Variants in KIZ observed in about 807,000 individuals in gnomAD.
KIZ encodes kizuna centrosomal protein.
In KIZ, 68 loss-of-function variants were observed where a neutral mutation model predicts 79.6. The ratio of observed to expected loss-of-function variants is 0.85; its 90% CI spans 0.70 to 1.05. KIZ has a LOEUF of 1.05. KIZ is among the 50% of genes least tolerant of loss of function. KIZ has a pLI of 0.00. For synonymous variants in KIZ, 280 were observed against 281.8 expected (o/e 0.99, Z 0.06); for missense variants, 797 against 800.4 (o/e 1.00, Z 0.05).
chr20:21,207,913 G>GT (rs1297695011), intron 7 of KIZ, among the ~76,000 whole-genome samples: 3 of 152,012 alleles, frequency 2.0e-5, no homozygotes, highest in Non-Finnish European at 2.9e-5. Context: ...GGGTTTCACC[G>GT]TGTTGGCCAG....
chr20:21,204,794 C>G (rs1196324442), intron 6 of KIZ, among the ~76,000 whole-genome samples: 1 of 152,116 alleles, frequency 6.6e-6, no homozygotes, highest in Non-Finnish European at 1.5e-5. Context: ...TAACTCTTTC[C>G]TAATATCTTA....
chr20:21,162,227 A>G lies in KIZ; in HGVS notation c.762A>G (p.Ile254Met). ...AGGAACAAACTCATTGCTTGGAGAT[A>G]GGAAGTAACACACGTCATGGCAAGA... ...SEEEQTHCLE[I>M]GSNTRHGKSN... The change falls in exon 5 of 13, where the codon ATA (isoleucine) becomes ATG (methionine). Residue 254 changes from isoleucine (I) to methionine (M), a missense_variant. Transcript: ENST00000619189. The G allele has an allele frequency of 6.2e-7, 1 of 1,614,000 alleles. No individual in the cohort carries two copies. Among genetic ancestry groups the G allele is most frequent in the Non-Finnish European group, 8.5e-7 (1 of 1,179,846 alleles).
At chr20:21,177,588 G>C (rs952598735) in intron 6 of KIZ, among the ~76,000 whole-genome samples, 2 of 152,010 alleles carry the variant, frequency 1.3e-5, no homozygotes, top group Non-Finnish European at 2.9e-5. Context: ...GTTTGATGTA[G>C]TCCCACTTGT....
intron 6 of KIZ, among the ~76,000 whole-genome samples, chr20:21,173,244 TAAG>T (rs1198555322): frequency 6.6e-6 from 1 of 151,976 alleles, no homozygotes; most frequent in Admixed American, 6.6e-5. Context: ...AGTAGGGTGG[TAAG>T]AAGTGGTCAG....
At position 21,162,072 on chromosome 20, in the gene KIZ, G is replaced by A; in HGVS notation, c.607G>A (p.Val203Met). 1 of 1,613,894 alleles carries A rather than the reference G, an allele frequency of 6.2e-7. No individual in the cohort carries two copies. The highest frequency in any genetic ancestry group is 8.5e-7 in the Non-Finnish European group (1 of 1,179,818). Residue 203 changes from valine to methionine, a missense_variant, in exon 5 of 13, where the codon GTG becomes ATG. Val to Met is a conservative substitution (Grantham distance 21). Coordinates refer to ENST00000619189, the MANE Select transcript of KIZ (RefSeq NM_018474.6). ...SHRQTAQSSN[V>M]TDSCVVQTSN... ...CCGACAGACAGCCCAGAGCAGTAAT[G>A]TGACAGACAGCTGTGTAGTACAAAC...
chr20:21,244,641 G>C (rs976989269), intron 12 of KIZ: 7 of 232,366 alleles, frequency 3.0e-5, no homozygotes, highest in Admixed American at 1.1e-4. Context: ...GCTCATGACC[G>C]GACAGGCTCT....
intron 10 of KIZ, 115 bp from the exon 11 acceptor site, chr20:21,232,619 C>T (rs2036870530): frequency 3.1e-6 from 2 of 645,802 alleles, no homozygotes; most frequent in Non-Finnish European, 2.9e-6. Context: ...GCTTGAACAG[C>T]ATCTTCCTCT....
chr20:21,187,568 G>A (rs1361206012), intron 6 of KIZ, among the ~76,000 whole-genome samples: 1 of 152,100 alleles, frequency 6.6e-6, no homozygotes, highest in Non-Finnish European at 1.5e-5. Context: ...CCTTCTCCCT[G>A]AATCCGCTCA....
intron 3 of KIZ, among the ~76,000 whole-genome samples, chr20:21,142,641 A>C (rs2032621205): frequency 6.6e-6 from 1 of 151,982 alleles, no homozygotes; most frequent in Non-Finnish European, 1.5e-5. Context: ...AAAATAGAAA[A>C]AATTAGCTGG....
intron 6 of KIZ, among the ~76,000 whole-genome samples, chr20:21,200,198 G>A (rs1203014100): frequency 1.3e-5 from 2 of 152,110 alleles, no homozygotes; most frequent in African/African-American, 2.4e-5. Context: ...TGGTGTAGCA[G>A]CAGCTCACAT....
At chr20:21,157,094 AT>A (rs2033422439) in intron 4 of KIZ, among the ~76,000 whole-genome samples, 1 of 152,148 alleles carries the variant, frequency 6.6e-6, no homozygotes, top group South Asian at 2.1e-4. Context: ...ATCTCTATAA[AT>A]AAAAAAAAAA....
chr20:21,183,118 G>A (rs1183744857), intron 6 of KIZ, among the ~76,000 whole-genome samples: 1 of 152,228 alleles, frequency 6.6e-6, no homozygotes, highest in Non-Finnish European at 1.5e-5. Context: ...AGAAAGGTTA[G>A]TAGATGCAGA....
chr20:21,225,914 T>C (rs2036639471), intron 9 of KIZ, among the ~76,000 whole-genome samples: 2 of 152,214 alleles, frequency 1.3e-5, no homozygotes, highest in African/African-American at 4.8e-5. Flanking sequence ...AAAATCTTCA[T>C]ACAGCTGATG....
chr20:21,192,988 C>T (rs1266552699), intron 6 of KIZ, among the ~76,000 whole-genome samples: 1 of 152,114 alleles, frequency 6.6e-6, no homozygotes, highest in Non-Finnish European at 1.5e-5. Context: ...TTTTCTTCTT[C>T]CAGCAGGTCC....
chr20:21,163,324 T>C lies in KIZ; in HGVS notation c.1352+165T>C, dbSNP rs545232612. ...CAAGACCTAATTTTCTTTCTGTCCT[T>C]CTTTCTTCTTTCTTTCCTTCCTCCC... On this transcript the variant is annotated intron_variant, in intron 6 of 12. Transcript: ENST00000619189. Among the ~76,000 whole-genome samples the C allele has an allele frequency of 1.1e-4, 16 of 152,292 alleles. No individual in the cohort carries two copies. The East Asian group carries it at 2.7e-3, about 26-fold the overall frequency.
At chr20:21,162,782 C>T in intron 5 of KIZ, 68 bp from the exon 6 acceptor site, 4 of 1,250,478 alleles carry the variant, frequency 3.2e-6, no homozygotes, top group Non-Finnish European at 4.5e-6. Flanking sequence ...ATGAGTAATT[C>T]TGCTGTGTGT....
At chr20:21,211,065 C>G (rs1054736008) in intron 7 of KIZ, among the ~76,000 whole-genome samples, 1 of 152,018 alleles carries the variant, frequency 6.6e-6, no homozygotes, top group African/African-American at 2.4e-5. Flanking sequence ...GATACAATGT[C>G]TTTTCTATTA....
At position 21,164,018 on chromosome 20, in the gene KIZ, T is replaced by C. The variant is rs540474000; in HGVS notation, c.1352+859T>C. 2.2e-4 allele frequency among the ~76,000 whole-genome samples: 34 copies of C among 152,312 alleles called. No homozygotes were observed. The South Asian group carries it at 6.8e-3, about 31-fold the overall frequency. ...AAGGCCGGGGCAGAGTGGTGTCACGTAGGTCTACTGGATCTGCTGGGGCAG... is the reference window on the plus strand; with the variant it reads ...AAGGCCGGGGCAGAGTGGTGTCACGCAGGTCTACTGGATCTGCTGGGGCAG... On this transcript the variant is annotated intron_variant, in intron 6 of 12. Transcript: ENST00000619189.
intron 3 of KIZ, among the ~76,000 whole-genome samples, chr20:21,141,823 ACTCT>A (rs1229173337): frequency 0.018 from 1,874 of 103,968 alleles, 28 homozygotes; most frequent in East Asian, 0.11. Context: ...ACACACACAC[ACTCT>A]CTCTCTCTCT....
Sources: allele counts gnomAD v4.1 joint callset (sites outside exome capture counted in the v4.1 genomes callset), GRCh38; gene constraint gnomAD v4.1.1; transcripts MANE v1.5; gene names NCBI Gene and HGNC (gene_info 2026-07-23, HGNC 2026-07-21).